Variants in LPP observed in about 807,000 individuals in gnomAD.
LPP encodes the protein LIM domain containing preferred translocation partner in lipoma, also known as lipoma-preferred partner.
Under a neutral mutation model 60.4 loss-of-function variants are expected in LPP, and 38 were observed. The ratio of observed to expected loss-of-function variants is 0.63; its 90% CI spans 0.49 to 0.83. LPP has a LOEUF of 0.83. Among genes scored for constraint, LPP ranks in the 40% least tolerant of loss-of-function variants. LPP has a pLI of 0.00. For missense variants in LPP, 902 were observed against 783.6 expected (o/e 1.15, Z -1.80); for synonymous variants, 328 against 290.8 (o/e 1.13, Z -1.30).
chr3:188,714,075 T>G (rs1011852729), intron 8 of LPP, among the ~76,000 whole-genome samples: 1 of 152,162 alleles, frequency 6.6e-6, no homozygotes, highest in African/African-American at 2.4e-5. Context: ...CATTTCATTT[T>G]TTGGATGGGG....
Position 188,201,944 on chromosome 3 carries a change from C to T in LPP, c.-189-23461C>T, listed in dbSNP as rs144004306. 7.4e-3 allele frequency among the ~76,000 whole-genome samples: 1,129 copies of T among 151,928 alleles called. 10 individuals carry two copies. Among genetic ancestry groups the T allele is most frequent in the Non-Finnish European group, 0.013 (882 of 67,984 alleles). On this transcript the variant is annotated intron_variant, in intron 1 of 11. Coordinates refer to ENST00000617246, the MANE Select transcript of LPP (RefSeq NM_001375462.1). ...TTTGGTGTTGGGAGTGGAAGGATAG[C>T]AGGTCAAGCAGAGGGGACAAGGTGA... is the stretch of plus-strand genomic sequence containing the variant.
intron 6 of LPP, among the ~76,000 whole-genome samples, chr3:188,541,172 C>T (rs1289089984): frequency 5.3e-5 from 8 of 152,042 alleles, no homozygotes; most frequent in Non-Finnish European, 8.8e-5. Flanking sequence ...CCTACCCAGA[C>T]GCTAAAGCAT....
chr3:188,679,226 G>A (rs1858850925), intron 7 of LPP, among the ~76,000 whole-genome samples: 2 of 152,190 alleles, frequency 1.3e-5, no homozygotes, highest in Admixed American at 6.5e-5. Context: ...ATTGTAAAAT[G>A]GACATCACTG....
At chr3:188,361,847 C>T (rs1159240016) in intron 3 of LPP, among the ~76,000 whole-genome samples, 1 of 152,162 alleles carries the variant, frequency 6.6e-6, no homozygotes, top group East Asian at 1.9e-4. Flanking sequence ...GGATTACGGG[C>T]GTGAGCCACT....
chr3:188,655,438 A>G (rs1852970227), intron 7 of LPP, among the ~76,000 whole-genome samples: 1 of 152,220 alleles, frequency 6.6e-6, no homozygotes, highest in South Asian at 2.1e-4. Flanking sequence ...GGATTAAGAG[A>G]AAATTGGCAG....
At chr3:188,846,908 C>T (rs547173036) in intron 9 of LPP, among the ~76,000 whole-genome samples, 5 of 151,932 alleles carry the variant, frequency 3.3e-5, no homozygotes, top group East Asian at 1.9e-4. Flanking sequence ...CCTGTGTCTT[C>T]GAAATATGCT....
At chr3:188,819,025 GTC>G (rs1337984116) in intron 9 of LPP, among the ~76,000 whole-genome samples, 1 of 123,424 alleles carries the variant, frequency 8.1e-6, no homozygotes, top group South Asian at 2.7e-4. Context: ...ACTCATGGGG[GTC>G]GTGTGTGTGT....
At chr3:188,701,944 C>CTTTTTT (rs35803152) in intron 7 of LPP, among the ~76,000 whole-genome samples, 45 of 83,548 alleles carry the variant, frequency 5.4e-4, no homozygotes, top group East Asian at 1.6e-3. Flanking sequence ...GTTTTTTTCC[C>CTTTTTT]TTTTTTTTTT....
intron 9 of LPP, among the ~76,000 whole-genome samples, chr3:188,848,803 T>C (rs1762072662): frequency 6.6e-6 from 1 of 151,886 alleles, no homozygotes; most frequent in African/African-American, 2.4e-5. Context: ...CCATCTCTAC[T>C]AAAAGTACAA....
At position 188,599,786 on chromosome 3, in the gene LPP, G is replaced by GTGTGTGTGTGTGTC. The variant is rs1840742906; in HGVS notation, c.430-9371_430-9370insTGTGTGTGTCTGTG. Among the ~76,000 whole-genome samples the GTGTGTGTGTGTGTC allele has an allele frequency of 2.0e-5, 3 of 151,304 alleles. No homozygotes were observed. In the South Asian group the frequency reaches 6.3e-4, roughly 32 times the overall value. On this transcript the variant is annotated intron_variant, in intron 6 of 11. Transcript: ENST00000617246. ...TGTGTGTGTGTGTGTGTGTGTGTGT[G>GTGTGTGTGTGTGTC]TGTGGTGTGTGCTTTATGTGTTCAT...
At chr3:188,213,961 AACACACACACACACACAC>A (rs59389556) in intron 1 of LPP, among the ~76,000 whole-genome samples, 2 of 130,322 alleles carry the variant, frequency 1.5e-5, no homozygotes, top group East Asian at 5.2e-4. Context: ...TTAGATTTTA[AACACACACACACACACAC>A]ACACACACAC....
At chr3:188,250,736 TTCTTTCTTTC>T (rs1728892844) in intron 2 of LPP, among the ~76,000 whole-genome samples, 1 of 81,714 alleles carries the variant, frequency 1.2e-5, no homozygotes, top group East Asian at 3.4e-4. Context: ...CTTTCTTTCT[TTCTTTCTTTC>T]TTTCTTTCTT....
intron 3 of LPP, among the ~76,000 whole-genome samples, chr3:188,392,938 C>A (rs1159802173): frequency 1.3e-5 from 2 of 152,100 alleles, no homozygotes; most frequent in African/African-American, 4.8e-5. Flanking sequence ...CTCTGTGTAA[C>A]CCCAATTTAG....
At chr3:188,521,396 G>A (rs1482318757) in intron 5 of LPP, among the ~76,000 whole-genome samples, 1 of 152,100 alleles carries the variant, frequency 6.6e-6, no homozygotes, top group Non-Finnish European at 1.5e-5. Context: ...TTATTGTGTA[G>A]TTCAGGGTAA....
At chr3:188,718,162 T>A (rs930056194) in intron 8 of LPP, among the ~76,000 whole-genome samples, 1 of 152,214 alleles carries the variant, frequency 6.6e-6, no homozygotes, top group African/African-American at 2.4e-5. Flanking sequence ...AATCCCAGAC[T>A]TAGAGTAAAG....
chr3:188,420,972 C>T (rs1255928511), intron 4 of LPP, among the ~76,000 whole-genome samples: 16 of 152,078 alleles, frequency 1.1e-4, no homozygotes, highest in Admixed American at 1.0e-3. Flanking sequence ...TAAGGCAGGG[C>T]ATAGAAATGA....
At chr3:188,422,913 T>TGTG (rs1553893973) in intron 4 of LPP, among the ~76,000 whole-genome samples, 3,591 of 133,804 alleles carry the variant, frequency 0.027, 49 homozygotes, top group Non-Finnish European at 0.031. Flanking sequence ...GGTGTCTTCT[T>TGTG]TGTGTGTGTG....
chr3:188,258,576 C>G (rs1262896924), intron 2 of LPP, among the ~76,000 whole-genome samples: 1 of 152,190 alleles, frequency 6.6e-6, no homozygotes, highest in Admixed American at 6.5e-5. Context: ...CCACCTTGGC[C>G]TCCCAAAGTG....
chr3:188,757,986 A>G (rs1210425259), intron 8 of LPP, among the ~76,000 whole-genome samples: 3 of 147,720 alleles, frequency 2.0e-5, no homozygotes, highest in African/African-American at 7.6e-5. Flanking sequence ...GTTATCTCAT[A>G]ATAAAAACAG....
Sources: gnomAD v4.1 joint callset for allele counts (sites outside exome capture counted in the v4.1 genomes callset) on GRCh38, gnomAD v4.1.1 for gene constraint, MANE v1.5 for transcripts, NCBI Gene and HGNC (gene_info 2026-07-23, HGNC 2026-07-21) for gene names.